TBX20: variants seen among roughly 807,000 people sequenced by gnomAD.
TBX20 encodes T-box transcription factor 20.
TBX20 carries 8 observed loss-of-function variants against 42.9 expected under a neutral mutation model. The ratio of observed to expected loss-of-function variants is 0.19; its 90% CI spans 0.11 to 0.34. The LOEUF (loss-of-function observed/expected upper bound fraction) is 0.34. Among genes scored for constraint, TBX20 ranks in the 10% least tolerant of loss-of-function variants. The pLI is 1.00. For missense variants in TBX20, 411 were observed against 566.0 expected, an observed-to-expected ratio of 0.73 and a Z score of 2.78; for synonymous variants, 198 against 222.8, an observed-to-expected ratio of 0.89 and a Z score of 0.99.
intron 6 of TBX20, among the ~76,000 whole-genome samples, chr7:35,225,860 G>A (rs866504119): frequency 5.3e-5 from 8 of 152,118 alleles, no homozygotes; most frequent in Middle Eastern, 3.2e-3. Flanking sequence ...AAGTAAAAAC[G>A]ATTGGGATTT....
chr7:35,241,822 A>C (rs1790088290), intron 4 of TBX20, among the ~76,000 whole-genome samples: 1 of 152,180 alleles, frequency 6.6e-6, no homozygotes, highest in African/African-American at 2.4e-5. Flanking sequence ...AATAGGTAGT[A>C]TTTTTCATAT....
chr7:35,220,237 G>T (rs1330309502), intron 6 of TBX20, among the ~76,000 whole-genome samples: 2 of 152,228 alleles, frequency 1.3e-5, no homozygotes, highest in South Asian at 4.1e-4. Flanking sequence ...AGCAAATGGG[G>T]TTAAAGATGA....
chr7:35,224,773 T>A (rs566678901), intron 6 of TBX20, among the ~76,000 whole-genome samples: 1 of 152,056 alleles, frequency 6.6e-6, no homozygotes, highest in African/African-American at 2.4e-5. Context: ...GGAAATAATA[T>A]CAATAGATGT....
chr7:35,246,986 G>A (rs1790201983), intron 3 of TBX20, among the ~76,000 whole-genome samples: 1 of 151,982 alleles, frequency 6.6e-6, no homozygotes, highest in Non-Finnish European at 1.5e-5. Context: ...ACATGCTTCA[G>A]TTAAGATAGT....
In TBX20 at chr7:35,204,646, C is replaced by G. The variant is rs1198395504; in HGVS notation, c.891-64G>C. ...AAAGGACTCAGAGATACAGAGAGGT[C>G]TTAGAGGTAACTCACTAATCAGTAA... On this transcript the variant is annotated intron_variant, in intron 6 of 7. Coordinates refer to ENST00000408931, the MANE Select transcript of TBX20 (RefSeq NM_001077653.2). The G allele has an allele frequency of 9.5e-6, 12 of 1,260,802 alleles. No individual in the cohort carries two copies. The African/African-American group carries it at 1.6e-4, about 17-fold the overall frequency. The allele number at this position is 1,260,802 out of a possible 1,614,324, so 78.1% of individuals were successfully genotyped here. A position where few individuals can be genotyped will look rare whatever the true frequency, so the allele number is the denominator to read the frequency against.
chr7:35,210,002 G>T (rs1185142923), intron 6 of TBX20, among the ~76,000 whole-genome samples: 1 of 151,956 alleles, frequency 6.6e-6, no homozygotes, highest in African/African-American at 2.4e-5. Context: ...ATTCCATTAC[G>T]GTCAGAGAGC....
intron 6 of TBX20, among the ~76,000 whole-genome samples, chr7:35,225,463 C>A (rs1789753821): frequency 1.3e-5 from 2 of 152,074 alleles, no homozygotes; most frequent in Non-Finnish European, 2.9e-5. Flanking sequence ...TGTGTGTTTG[C>A]ACACTAAACA....
intron 6 of TBX20, among the ~76,000 whole-genome samples, chr7:35,211,637 G>T (rs937602967): frequency 6.6e-6 from 1 of 152,120 alleles, no homozygotes; most frequent in Non-Finnish European, 1.5e-5. Flanking sequence ...GCTTATGATG[G>T]TGTTATATCT....
At chr7:35,242,091 GT>G (rs1790094334) in intron 4 of TBX20, among the ~76,000 whole-genome samples, 1 of 152,092 alleles carries the variant, frequency 6.6e-6, no homozygotes, top group Non-Finnish European at 1.5e-5. Flanking sequence ...CTCTCTGCTG[GT>G]TGCTGCTGCT....
chr7:35,230,808 T>A (rs1211375694), intron 6 of TBX20, among the ~76,000 whole-genome samples: 3 of 152,188 alleles, frequency 2.0e-5, no homozygotes, highest in Admixed American at 2.0e-4. Context: ...GTTTAAGAAG[T>A]ACAAATAATC....
intron 7 of TBX20, 98 bp downstream of exon 7, chr7:35,204,372 T>G: frequency 1.3e-6 from 1 of 785,062 alleles, no homozygotes; most frequent in East Asian, 2.6e-5. Context: ...CCCGGCATCG[T>G]GTACTCTGAG....
chr7:35,212,517 G>A (rs564127807), intron 6 of TBX20, among the ~76,000 whole-genome samples: 131 of 152,208 alleles, frequency 8.6e-4, no homozygotes, highest in Non-Finnish European at 1.5e-3. Flanking sequence ...TATTTATAAG[G>A]ACATAAATAT....
At position 35,248,822 on chromosome 7, in the gene TBX20, G is replaced by T; in HGVS notation, c.400C>A (p.Arg134=). 1 of 1,614,096 alleles carries T rather than the reference G, an allele frequency of 6.2e-7. No homozygotes were observed. Among genetic ancestry groups the T allele is most frequent in the African/African-American group, 1.3e-5 (1 of 75,000 alleles). ...KSGRRMFPTI[R]VSFSGVDPEA... ...GGATCCACCCCCGAAAAGGACACCC[G>T]GATGGTTGGAAACATCCTCCTGACA... is the stretch of plus-strand genomic sequence containing the variant. The change falls in exon 3 of 8, where the codon CGG becomes AGG. Residue 134 remains arginine (R), a synonymous_variant. Coordinates refer to ENST00000408931, the MANE Select transcript of TBX20 (RefSeq NM_001077653.2).
At chr7:35,248,585 TA>T in intron 3 of TBX20, 91 bp downstream of exon 3, 1 of 1,457,464 alleles carries the variant, frequency 6.9e-7, no homozygotes, top group African/African-American at 1.4e-5. Context: ...CCCGCTGCTT[TA>T]AAAATACACT....
rs1221741694 is a variant in TBX20, at chr7:35,221,599, G to T, written c.890+9905C>A. On this transcript the variant is annotated intron_variant, in intron 6 of 7. Transcript: ENST00000408931. Reference sequence around the variant, plus strand: ...AATACTTAAAAGGAAGGTTAAAAGAGTTCTAAGCAAAAGGACTGTGACTCT... The same window carrying T: ...AATACTTAAAAGGAAGGTTAAAAGATTTCTAAGCAAAAGGACTGTGACTCT... 4.6e-5 allele frequency among the ~76,000 whole-genome samples: 7 copies of T among 152,124 alleles called. No homozygotes were observed. The South Asian group carries it at 1.2e-3, about 27-fold the overall frequency.
At position 35,202,491 on chromosome 7, in the gene TBX20, C is replaced by T; in HGVS notation, c.1283G>A (p.Gly428Glu). ...MPRYHHYFQQGPYAAIQGLRH... is the reference protein window; with the variant it reads ...MPRYHHYFQQEPYAAIQGLRH... ...TAGTCCTTGAATGGCAGCATAGGGC[C>T]CCTGCTGAAAATAGTGATGGTATCG... Residue 428 changes from glycine to glutamate, a missense_variant, in exon 8 of 8, where the codon GGG becomes GAG. Physicochemically the swap from Gly to Glu is moderately conservative, Grantham distance 98 (BLOSUM62 -2). Coordinates refer to ENST00000408931, the MANE Select transcript of TBX20 (RefSeq NM_001077653.2). 1.2e-6 allele frequency: 2 copies of T among 1,608,168 alleles called. No individual in the cohort carries two copies. The highest frequency in any genetic ancestry group is 1.7e-4 in the Middle Eastern group (1 of 6,056).
chr7:35,216,357 G>A (rs139506406), intron 6 of TBX20, among the ~76,000 whole-genome samples: 11,940 of 152,096 alleles, frequency 0.079, 668 homozygotes, highest in Admixed American at 0.19. Flanking sequence ...GAGCAAGTCT[G>A]CATATCTTGA....
chr7:35,220,804 A>G (rs1052060869), intron 6 of TBX20, among the ~76,000 whole-genome samples: 1 of 152,256 alleles, frequency 6.6e-6, no homozygotes, highest in Non-Finnish European at 1.5e-5. Flanking sequence ...TTATTGCAAG[A>G]AACAGAAGGA....
intron 6 of TBX20, among the ~76,000 whole-genome samples, chr7:35,225,439 T>C (rs1789753439): frequency 6.6e-6 from 1 of 152,196 alleles, no homozygotes; most frequent in African/African-American, 2.4e-5. Context: ...TTTTTGGTAG[T>C]TAGTTAACCT....
Sources: allele counts gnomAD v4.1 joint callset (sites outside exome capture counted in the v4.1 genomes callset), GRCh38; gene constraint gnomAD v4.1.1; transcripts MANE v1.5; gene names NCBI Gene and HGNC (gene_info 2026-07-23, HGNC 2026-07-21).